Variants in SBF2 observed in about 807,000 individuals in gnomAD.
The protein encoded by SBF2 is SET binding factor 2, also known as myotubularin-related protein 13.
In SBF2, 112 loss-of-function variants were observed where a neutral mutation model predicts 225.2. The observed-to-expected ratio is 0.50, with a 90% CI of 0.43 to 0.58. SBF2 has a LOEUF of 0.58. Ranked by LOEUF, SBF2 falls within the 20% of genes least tolerant of loss-of-function variation. The pLI is 0.00. For synonymous variants in SBF2, 763 were observed against 773.3 expected (o/e 0.99, Z 0.22); for missense variants, 1,996 against 2,206.2 (o/e 0.90, Z 1.91).
At chr11:10,293,988 G>A (rs1185783890) in intron 1 of SBF2, 27 bp downstream of exon 1, 1 of 1,318,326 alleles carries the variant, frequency 7.6e-7, no homozygotes. Context: ...GGGGAGGCCC[G>A]GGGGCGGTGC....
At chr11:10,079,552 A>T (rs184881497) in intron 2 of SBF2, among the ~76,000 whole-genome samples, 27 of 152,312 alleles carry the variant, frequency 1.8e-4, no homozygotes, top group East Asian at 3.9e-4. Context: ...AAAGTTTTTT[A>T]AAAAAGGATT....
chr11:10,236,425 T>C (rs943890391), intron 1 of SBF2, among the ~76,000 whole-genome samples: 1 of 152,196 alleles, frequency 6.6e-6, no homozygotes, highest in Non-Finnish European at 1.5e-5. Context: ...ATTACACCAC[T>C]GTACTCCAGC....
chr11:10,109,051 A>G (rs552432969), intron 2 of SBF2, among the ~76,000 whole-genome samples: 38 of 152,308 alleles, frequency 2.5e-4, no homozygotes, highest in African/African-American at 7.7e-4. Flanking sequence ...GCCTCTTACA[A>G]TATCTACAAT....
chr11:9,945,134 A>G (rs988898652), intron 16 of SBF2, among the ~76,000 whole-genome samples: 5 of 152,078 alleles, frequency 3.3e-5, no homozygotes, highest in African/African-American at 7.2e-5. Context: ...TGGGACCAAA[A>G]AAAAGGCCAA....
intron 16 of SBF2, among the ~76,000 whole-genome samples, chr11:9,952,353 G>C (rs1311448429): frequency 6.6e-6 from 1 of 152,154 alleles, no homozygotes; most frequent in Admixed American, 6.5e-5. Flanking sequence ...AACTGGGAGG[G>C]GGATCCAACA....
At chr11:9,862,073 T>C (rs1160703814) in intron 17 of SBF2, among the ~76,000 whole-genome samples, 1 of 152,186 alleles carries the variant, frequency 6.6e-6, no homozygotes, top group Non-Finnish European at 1.5e-5. Context: ...GCATCTGTGA[T>C]AGTGGCAGTA....
At chr11:10,108,858 G>A (rs1161230600) in intron 2 of SBF2, among the ~76,000 whole-genome samples, 1 of 152,016 alleles carries the variant, frequency 6.6e-6, no homozygotes, top group Non-Finnish European at 1.5e-5. Context: ...GTATGTACCA[G>A]TACGACAAAC....
chr11:9,977,604 G>A (rs12576008), intron 13 of SBF2, among the ~76,000 whole-genome samples: 4,870 of 152,088 alleles, frequency 0.032, 302 homozygotes, highest in East Asian at 0.18. Flanking sequence ...CCTACATTAT[G>A]AATTGGGAAT....
At chr11:10,097,741 A>G (rs1351101726) in intron 2 of SBF2, among the ~76,000 whole-genome samples, 1 of 152,134 alleles carries the variant, frequency 6.6e-6, no homozygotes, top group African/African-American at 2.4e-5. Context: ...GGTAAGAACA[A>G]TTTCACTTTA....
At chr11:10,159,627 G>T (rs930743863) in intron 2 of SBF2, among the ~76,000 whole-genome samples, 5 of 152,112 alleles carry the variant, frequency 3.3e-5, no homozygotes, top group African/African-American at 1.2e-4. Context: ...CCTTGGCCGG[G>T]CATGGTGGCT....
At position 10,234,572 on chromosome 11, in the gene SBF2, T is replaced by C. The variant is rs1461311474; in HGVS notation, c.56-40585A>G. Among the ~76,000 whole-genome samples the C allele has an allele frequency of 2.0e-5, 3 of 152,354 alleles. No individual in the cohort carries two copies. The East Asian group carries it at 5.8e-4, about 29-fold the overall frequency. ...TTTACAGATCTAAATTTTGTCAAGA[T>C]GATAGTGTTCCTATCAGATTTTAAT... On this transcript the variant is annotated intron_variant, in intron 1 of 39. Coordinates refer to ENST00000256190, the MANE Select transcript of SBF2 (RefSeq NM_030962.4).
intron 16 of SBF2, among the ~76,000 whole-genome samples, chr11:9,899,311 T>C (rs1476473108): frequency 6.8e-6 from 1 of 146,728 alleles, no homozygotes. Context: ...CTGGGCAATA[T>C]AGGGTGACTC....
intron 17 of SBF2, among the ~76,000 whole-genome samples, chr11:9,883,071 T>A (rs974305520): frequency 6.6e-6 from 1 of 151,824 alleles, no homozygotes; most frequent in African/African-American, 2.4e-5. Context: ...GAAGCGGAGG[T>A]TGCAGTGAGC....
chr11:9,964,231 G>C (rs1458315741), intron 14 of SBF2, among the ~76,000 whole-genome samples: 1 of 152,226 alleles, frequency 6.6e-6, no homozygotes, highest in African/African-American at 2.4e-5. Flanking sequence ...CTGGGTGACA[G>C]AGTGAGACCA....
At chr11:10,232,523 G>GT (rs1958900933) in intron 1 of SBF2, among the ~76,000 whole-genome samples, 1 of 151,880 alleles carries the variant, frequency 6.6e-6, no homozygotes, top group African/African-American at 2.4e-5. Context: ...TTACATGAAA[G>GT]TAGTAGGGTT....
intron 1 of SBF2, among the ~76,000 whole-genome samples, chr11:10,214,746 A>G (rs972296136): frequency 1.2e-4 from 18 of 152,244 alleles, no homozygotes; most frequent in African/African-American, 3.9e-4. Flanking sequence ...AGGTAACCAC[A>G]GATGAAAAAC....
At chr11:10,115,556 G>C (rs943285703) in intron 2 of SBF2, among the ~76,000 whole-genome samples, 2 of 152,068 alleles carry the variant, frequency 1.3e-5, no homozygotes, top group African/African-American at 4.8e-5. Flanking sequence ...ACACATATTT[G>C]ATATTCTCAC....
intron 6 of SBF2, among the ~76,000 whole-genome samples, chr11:10,019,196 C>CG (rs1948754033): frequency 2.0e-5 from 3 of 152,090 alleles, no homozygotes; most frequent in Admixed American, 2.0e-4. Flanking sequence ...CATACTTCTA[C>CG]CATCATATAA....
At chr11:9,804,462 A>G (rs1853674088) in intron 32 of SBF2, among the ~76,000 whole-genome samples, 1 of 152,206 alleles carries the variant, frequency 6.6e-6, no homozygotes, top group Non-Finnish European at 1.5e-5. Flanking sequence ...TGTTATTTAA[A>G]AATAAAATTT....
Sources: allele counts gnomAD v4.1 joint callset (sites outside exome capture counted in the v4.1 genomes callset), GRCh38; gene constraint gnomAD v4.1.1; transcripts MANE v1.5; gene names NCBI Gene and HGNC (gene_info 2026-07-23, HGNC 2026-07-21).